ATP8B4: variants seen among roughly 807,000 people sequenced by gnomAD.
The protein encoded by ATP8B4 is ATPase phospholipid transporting 8B4 (putative).
Under a neutral mutation model 145.6 loss-of-function variants are expected in ATP8B4, and 133 were observed. The observed-to-expected ratio is 0.91, with a 90% CI of 0.79 to 1.05. The LOEUF (loss-of-function observed/expected upper bound fraction) is 1.05, where lower values mean the gene tolerates loss of function less well. Ranked by LOEUF, ATP8B4 falls within the 50% of genes least tolerant of loss-of-function variation. The pLI, the probability that ATP8B4 is intolerant of heterozygous loss-of-function variation, is 0.00. For missense variants in ATP8B4, 1,458 were observed against 1,425.2 expected, an observed-to-expected ratio of 1.02 and a Z score of -0.37; for synonymous variants, 507 against 492.9, an observed-to-expected ratio of 1.03 and a Z score of -0.38.
chr15:50,167,945 C>T (rs1230207343), intron 1 of ATP8B4, among the ~76,000 whole-genome samples: 1 of 152,086 alleles, frequency 6.6e-6, no homozygotes, highest in African/African-American at 2.4e-5. Context: ...AGATCTAGAA[C>T]TCAGCAGACA....
chr15:49,901,971 C>T, intron 20 of ATP8B4: 1 of 240,344 alleles, frequency 4.2e-6, no homozygotes, highest in South Asian at 4.4e-5. Flanking sequence ...ATCCTGCTCA[C>T]ATCCCATGCA....
intron 3 of ATP8B4, among the ~76,000 whole-genome samples, chr15:50,055,274 T>G (rs1407236845): frequency 6.6e-6 from 1 of 152,206 alleles, no homozygotes; most frequent in Non-Finnish European, 1.5e-5. Flanking sequence ...AGCTACATGA[T>G]CTGTCCATTC....
chr15:49,987,621 G>C, intron 9 of ATP8B4, 72 bp from the exon 10 acceptor site: 1 of 1,457,814 alleles, frequency 6.9e-7, no homozygotes, highest in African/African-American at 1.4e-5. Flanking sequence ...CCACAGCACT[G>C]TTTTACCACT....
At chr15:49,973,457 T>C (rs1180476592) in intron 12 of ATP8B4, among the ~76,000 whole-genome samples, 2 of 152,140 alleles carry the variant, frequency 1.3e-5, no homozygotes, top group African/African-American at 4.8e-5. Context: ...GAACATTCTC[T>C]CCAATACATT....
At chr15:49,897,266 A>AT (rs1566946458) in intron 23 of ATP8B4, 26 bp downstream of exon 23, 1 of 1,553,564 alleles carries the variant, frequency 6.4e-7, no homozygotes, top group Non-Finnish European at 8.8e-7. Flanking sequence ...AAACAAACAA[A>AT]CAAAAAAAAA....
chr15:50,115,681 C>G (rs544028129), intron 1 of ATP8B4, among the ~76,000 whole-genome samples: 1 of 152,094 alleles, frequency 6.6e-6, no homozygotes, highest in African/African-American at 2.4e-5. Context: ...CAGGTAAGAG[C>G]TGGATTCTGA....
At chr15:50,010,207 C>A (rs1477261602) in intron 7 of ATP8B4, among the ~76,000 whole-genome samples, 4 of 151,944 alleles carry the variant, frequency 2.6e-5, no homozygotes, top group Non-Finnish European at 2.9e-5. Flanking sequence ...ATCTCAATAA[C>A]TTTTGTTACC....
At position 49,979,812 on chromosome 15, in the gene ATP8B4, A is replaced by G. The variant is rs1364495037; in HGVS notation, c.839T>C (p.Ile280Thr). 3.2e-6 allele frequency: 5 copies of G among 1,574,386 alleles called. No individual in the cohort carries two copies. Among genetic ancestry groups the G allele is most frequent in the Non-Finnish European group, 4.3e-6 (5 of 1,153,958 alleles). ...DRLMNTLVLW[I>T]FGFLICLGII... Reference sequence around the variant, plus strand: ...TCCCAAGCATATCAGAAACCCAAAAATCTGAAATAAGATAGAAGTGTGGTT... The same window carrying G: ...TCCCAAGCATATCAGAAACCCAAAAGTCTGAAATAAGATAGAAGTGTGGTT... The change falls in exon 12 of 28, where the codon ATT becomes ACT. Residue 280 changes from isoleucine (I) to threonine (T), a missense_variant and splice_region_variant. Physicochemically the swap from Ile to Thr is moderately conservative, Grantham distance 89. Coordinates refer to ENST00000284509, the MANE Select transcript of ATP8B4 (RefSeq NM_024837.4).
intron 2 of ATP8B4, among the ~76,000 whole-genome samples, chr15:50,086,533 T>TA (rs1262824902): frequency 1.1e-5 from 1 of 91,720 alleles, no homozygotes; most frequent in Admixed American, 1.3e-4. Flanking sequence ...GATCTATATT[T>TA]ATTATATATA....
chr15:50,049,411 T>C (rs1370933391), intron 3 of ATP8B4, among the ~76,000 whole-genome samples: 1 of 152,220 alleles, frequency 6.6e-6, no homozygotes, highest in Middle Eastern at 3.2e-3. Context: ...TTTGGTTTTA[T>C]GATCCTGTGT....
At chr15:49,903,318 A>G (rs1460582078) in intron 20 of ATP8B4, among the ~76,000 whole-genome samples, 1 of 152,228 alleles carries the variant, frequency 6.6e-6, no homozygotes, top group African/African-American at 2.4e-5. Context: ...CGTACACACA[A>G]TGCTTAACCA....
chr15:50,091,319 C>A (rs2055597538), intron 2 of ATP8B4, among the ~76,000 whole-genome samples: 1 of 152,100 alleles, frequency 6.6e-6, no homozygotes, highest in South Asian at 2.1e-4. Context: ...GGCTCAAATA[C>A]TGGATCAAAG....
upstream of ATP8B4, among the ~76,000 whole-genome samples, chr15:50,122,834 G>A (rs966112891): frequency 6.6e-6 from 1 of 152,138 alleles, no homozygotes; most frequent in African/African-American, 2.4e-5. Flanking sequence ...TTGCTGAAGT[G>A]TAAATCATAG....
chr15:49,979,657 T>C lies in ATP8B4; in HGVS notation c.994A>G (p.Ile332Val), dbSNP rs1182796874. 1.3e-5 allele frequency: 20 copies of C among 1,595,404 alleles called. No homozygotes were observed. Among genetic ancestry groups the C allele is most frequent in the Non-Finnish European group, 1.5e-5 (17 of 1,167,596 alleles). Residue 332 changes from isoleucine (I) to valine (V), a missense_variant, in exon 12 of 28, where the codon ATT becomes GTT. Transcript: ENST00000284509. ...SGFLTFWSYIIILNTVVPISL... is the reference protein window; with the variant it reads ...SGFLTFWSYIVILNTVVPISL... The stretch of plus-strand genomic sequence containing the variant: ...ATGGGTACAACTGTATTGAGAATAA[T>C]AATATATGACCAGAATGTTAAGAAT...
upstream of ATP8B4, among the ~76,000 whole-genome samples, chr15:50,122,905 G>A (rs937889414): frequency 6.6e-6 from 1 of 152,040 alleles, no homozygotes; most frequent in African/African-American, 2.4e-5. Context: ...AAATTGGGAA[G>A]ATTAAAACCT....
intron 2 of ATP8B4, among the ~76,000 whole-genome samples, chr15:50,103,991 CA>C (rs2056526884): frequency 6.6e-6 from 1 of 152,220 alleles, no homozygotes; most frequent in Middle Eastern, 3.4e-3. Flanking sequence ...AAAGGATACC[CA>C]ATTTAACAAA....
chr15:50,019,769 C>T (rs1023692056), intron 6 of ATP8B4, among the ~76,000 whole-genome samples: 64 of 152,150 alleles, frequency 4.2e-4, no homozygotes, highest in Non-Finnish European at 1.0e-4. Flanking sequence ...TTGGCCACCC[C>T]CTCTTTCTTC....
chr15:50,001,786 T>C (rs1379111514), intron 8 of ATP8B4, among the ~76,000 whole-genome samples: 1 of 152,200 alleles, frequency 6.6e-6, no homozygotes. Flanking sequence ...GGTTGCCTTT[T>C]AAAGTAACAT....
In ATP8B4 at chr15:49,920,519, C is replaced by T. The variant is rs1431851292; in HGVS notation, c.1759-109G>A. 7 of 1,224,850 alleles carry T rather than the reference C, an allele frequency of 5.7e-6. No homozygotes were observed. In the South Asian group the frequency reaches 7.9e-5, roughly 14 times the overall value. The allele number at this position is 1,224,850 out of a possible 1,614,324, so 75.9% of individuals were successfully genotyped here. ...TTTTTCACTCAAATTCATTTTGTAC[C>T]AAGAGCACTGCTTGGCTATCCTTAC... is the stretch of plus-strand genomic sequence containing the variant. On this transcript the variant is annotated intron_variant, in intron 17 of 27. Transcript: ENST00000284509.
Sources: gnomAD v4.1 joint callset for allele counts (sites outside exome capture counted in the v4.1 genomes callset) on GRCh38, gnomAD v4.1.1 for gene constraint, MANE v1.5 for transcripts, NCBI Gene and HGNC (gene_info 2026-07-23, HGNC 2026-07-21) for gene names.